The following LRBA variants were observed in gnomAD, a reference collection of about 807,000 sequenced individuals.
LRBA encodes LPS responsive beige-like anchor protein.
LRBA carries 176 observed loss-of-function variants against 330.0 expected under a neutral mutation model. The observed-to-expected ratio is 0.53, with a 90% CI of 0.47 to 0.60. LRBA has a LOEUF of 0.60. LRBA is among the 20% of genes least tolerant of loss of function. LRBA has a pLI of 0.00. For missense variants in LRBA, 3,259 were observed against 3,444.8 expected (o/e 0.95, Z 1.35); for synonymous variants, 1,230 against 1,193.0 (o/e 1.03, Z -0.64).
At chr4:150,738,069 C>A (rs941828671) in intron 35 of LRBA, among the ~76,000 whole-genome samples, 3 of 149,108 alleles carry the variant, frequency 2.0e-5, no homozygotes, top group Non-Finnish European at 4.4e-5. Context: ...CGGGTCACTG[C>A]AACCTCTGCC....
Position 150,724,736 on chromosome 4 carries a change from A to AT in LRBA, c.5754+10521dup, listed in dbSNP as rs1245874628. 1.7e-4 allele frequency among the ~76,000 whole-genome samples: 25 copies of AT among 150,042 alleles called. 2 individuals are homozygous for AT. The highest frequency in any genetic ancestry group is 1.5e-3 in the Admixed American group (23 of 14,988). Reference sequence around the variant, plus strand: ...CAGATAAATTTAACAAAAGGATTAAATTTTTTTTTTAAATCAAGCAGAATG... The same window carrying AT: ...CAGATAAATTTAACAAAAGGATTAAATTTTTTTTTTTAAATCAAGCAGAATG... On this transcript the variant is annotated intron_variant, in intron 36 of 56. Transcript: ENST00000651943.
chr4:150,413,090 G>A (rs1747246111), intron 47 of LRBA, among the ~76,000 whole-genome samples: 2 of 151,812 alleles, frequency 1.3e-5, no homozygotes, highest in South Asian at 4.1e-4. Flanking sequence ...ATATATATAT[G>A]AGTAGCAAAT....
At chr4:150,729,961 A>T (rs915591784) in intron 36 of LRBA, among the ~76,000 whole-genome samples, 1 of 152,158 alleles carries the variant, frequency 6.6e-6, no homozygotes, top group Non-Finnish European at 1.5e-5. Context: ...ATGAACCTTG[A>T]TCCCTACACC....
intron 37 of LRBA, among the ~76,000 whole-genome samples, chr4:150,658,289 G>A (rs1017716497): frequency 3.4e-5 from 5 of 146,722 alleles, no homozygotes; most frequent in African/African-American, 5.1e-5. Flanking sequence ...TACATAAATC[G>A]TTTCTATCTC....
intron 40 of LRBA, among the ~76,000 whole-genome samples, chr4:150,509,910 G>A (rs1267814788): frequency 6.6e-6 from 1 of 152,228 alleles, no homozygotes; most frequent in Non-Finnish European, 1.5e-5. Context: ...ACAGAAGCAG[G>A]CAGATTACTT....
intron 2 of LRBA, among the ~76,000 whole-genome samples, chr4:150,934,645 G>T (rs1245929712): frequency 6.6e-6 from 1 of 152,160 alleles, no homozygotes. Context: ...GCAAAGGTGG[G>T]TGGATCACCT....
intron 34 of LRBA, among the ~76,000 whole-genome samples, chr4:150,787,127 G>C (rs1174753877): frequency 1.3e-5 from 2 of 151,986 alleles, no homozygotes; most frequent in Admixed American, 6.5e-5. Flanking sequence ...AGCTACTGGG[G>C]AGGCTGAGGC....
intron 40 of LRBA, among the ~76,000 whole-genome samples, chr4:150,518,715 T>C (rs371438806): frequency 8.5e-5 from 13 of 152,314 alleles, no homozygotes; most frequent in African/African-American, 2.4e-4. Context: ...AGGTGACTGA[T>C]AGAATGATTC....
At chr4:150,451,335 A>C (rs1391664252) in intron 44 of LRBA, among the ~76,000 whole-genome samples, 2 of 151,732 alleles carry the variant, frequency 1.3e-5, no homozygotes, top group African/African-American at 4.9e-5. Context: ...AACTGAAAAG[A>C]ACTGAAATCA....
rs371885124 is a variant in LRBA at position 150,484,846 on chromosome 4, C to T, written c.6551+2886G>A. ...ATGTTAAACATTTCTATAGGTTGTG[C>T]TGTTATTTTCAATTAGTAGAATATT... On this transcript the variant is annotated intron_variant, in intron 42 of 56. Coordinates refer to ENST00000651943, the MANE Select transcript of LRBA (RefSeq NM_001364905.1). Among the ~76,000 whole-genome samples, 3 of 151,766 alleles carry T rather than the reference C, an allele frequency of 2.0e-5. No homozygotes were observed. In the East Asian group the frequency reaches 5.8e-4, roughly 29 times the overall value.
upstream of LRBA, chr4:151,015,634 G>A (rs931685474): frequency 6.6e-6 from 1 of 152,312 alleles, no homozygotes; most frequent in Non-Finnish European, 1.5e-5. Context: ...CGAGTGGTGA[G>A]GATGCTACTG....
chr4:150,876,758 T>C (rs1477736466), intron 17 of LRBA, among the ~76,000 whole-genome samples: 1 of 152,068 alleles, frequency 6.6e-6, no homozygotes, highest in Non-Finnish European at 1.5e-5. Context: ...ACCACAAAAA[T>C]ACATGTACGT....
intron 2 of LRBA, among the ~76,000 whole-genome samples, chr4:150,948,317 C>G (rs1736451051): frequency 6.6e-6 from 1 of 151,944 alleles, no homozygotes; most frequent in Non-Finnish European, 1.5e-5. Flanking sequence ...GAACCCAGAA[C>G]TAGACCCACA....
chr4:150,357,453 A>G (rs1176242666), intron 47 of LRBA, among the ~76,000 whole-genome samples: 1 of 152,054 alleles, frequency 6.6e-6, no homozygotes, highest in Non-Finnish European at 1.5e-5. Context: ...CTTCCTTTAC[A>G]GAGAGATGAT....
chr4:150,749,938 C>T (rs931297568), intron 35 of LRBA, among the ~76,000 whole-genome samples: 9 of 152,160 alleles, frequency 5.9e-5, no homozygotes, highest in African/African-American at 1.9e-4. Context: ...CTCTTTCTTG[C>T]TGATTTTGTT....
intron 47 of LRBA, among the ~76,000 whole-genome samples, chr4:150,388,803 T>A (rs779725445): frequency 3.9e-5 from 6 of 152,176 alleles, no homozygotes; most frequent in Non-Finnish European, 7.4e-5. Flanking sequence ...AATAGGGTAG[T>A]CACTAGCCAA....
intron 17 of LRBA, among the ~76,000 whole-genome samples, chr4:150,878,820 T>G (rs917489174): frequency 6.6e-6 from 1 of 151,018 alleles, no homozygotes; most frequent in African/African-American, 2.4e-5. Context: ...TCCGAAACTG[T>G]ATACCTGCTT....
chr4:150,766,897 A>G (rs911895624), intron 34 of LRBA, among the ~76,000 whole-genome samples: 15 of 152,166 alleles, frequency 9.9e-5, no homozygotes, highest in Admixed American at 2.6e-4. Flanking sequence ...CCTGTTCCTA[A>G]GCTGTATTTA....
intron 36 of LRBA, among the ~76,000 whole-genome samples, chr4:150,693,696 G>C (rs184094346): frequency 1.3e-5 from 2 of 152,040 alleles, no homozygotes; most frequent in East Asian, 3.9e-4. Context: ...TAACAGGGCA[G>C]AAAGGGGTTG....
Sources: allele counts gnomAD v4.1 joint callset (sites outside exome capture counted in the v4.1 genomes callset), GRCh38; gene constraint gnomAD v4.1.1; transcripts MANE v1.5; gene names NCBI Gene and HGNC (gene_info 2026-07-23, HGNC 2026-07-21).